The following RTL6 variants were observed in gnomAD, a reference collection of about 807,000 sequenced individuals.
The protein encoded by RTL6 is retrotransposon Gag-like protein 6.
Under a neutral mutation model 12.4 loss-of-function variants are expected in RTL6, and 9 were observed. The observed-to-expected ratio is 0.73, with a 90% CI of 0.44 to 1.27. RTL6 has a LOEUF of 1.27. RTL6 is among the 50% of genes most tolerant of loss of function. The pLI is 0.00. For missense variants in RTL6, 291 were observed against 330.7 expected, an observed-to-expected ratio of 0.88 and a Z score of 0.93; for synonymous variants, 160 against 142.8, an observed-to-expected ratio of 1.12 and a Z score of -0.86.
At position 44,496,718 on chromosome 22, in the gene RTL6, A is replaced by C; in HGVS notation, c.*119T>G. The stretch of plus-strand genomic sequence containing the variant: ...AGATCTCCTCGGGGAACACGTCTGG[A>C]GAGGCAAGAAGGGAGGTCTTCAAAC... On this transcript the variant is annotated 3_prime_UTR_variant, in exon 2 of 2. Coordinates refer to ENST00000341255, the MANE Select transcript of RTL6 (RefSeq NM_032287.3). 1 of 1,249,334 alleles carries C rather than the reference A, an allele frequency of 8.0e-7. No homozygotes were observed. The highest frequency in any genetic ancestry group is 1.1e-6 in the Non-Finnish European group (1 of 905,836). 77.4% of individuals were successfully genotyped at this position (1,249,334 alleles called of 1,614,324 possible).
In RTL6 at chr22:44,497,602, G is replaced by A. The variant is rs984324633; in HGVS notation, c.-46C>T. ...ACGCTGAGATCCGCGGGTGGACCAA[G>A]AGGGTGTGGTGACCAGGTGGGCCCC... On this transcript the variant is annotated 5_prime_UTR_variant, in exon 2 of 2. Coordinates refer to ENST00000341255, the MANE Select transcript of RTL6 (RefSeq NM_032287.3). 5.0e-6 allele frequency: 8 copies of A among 1,594,130 alleles called. No individual in the cohort carries two copies. The highest frequency in any genetic ancestry group is 6.8e-6 in the Non-Finnish European group (8 of 1,170,088).
Position 44,497,381 on chromosome 22 carries a change from C to T in RTL6, c.176G>A (p.Ser59Asn), listed in dbSNP as rs1199093458. The T allele has an allele frequency of 1.2e-6, 2 of 1,613,474 alleles. No individual in the cohort carries two copies. The highest frequency in any genetic ancestry group is 4.5e-5 in the East Asian group (2 of 44,854). The change falls in exon 2 of 2, where the codon AGC (serine) becomes AAC (asparagine). Residue 59 changes from serine to asparagine, a missense_variant. Ser to Asn is a conservative substitution (Grantham distance 46). This residue lies in a region of RTL6 where 155 missense variants were observed against 149.2 expected (regional missense o/e 1.04). Coordinates refer to ENST00000341255, the MANE Select transcript of RTL6 (RefSeq NM_032287.3). ...TAACAAGGTCAGCTCTGCCATCACGCTCTCCAGCATGTTGGTGAGATTGGC... is the reference window on the plus strand; with the variant it reads ...TAACAAGGTCAGCTCTGCCATCACGTTCTCCAGCATGTTGGTGAGATTGGC... Reference protein sequence around the residue: ...EKANLTNMLESVMAELTLLRT... With the variant: ...EKANLTNMLENVMAELTLLRT...
Position 44,496,839 on chromosome 22 carries a change from A to C in RTL6, c.718T>G (p.Ter240GluextTer7). 1 of 1,549,244 alleles carries C rather than the reference A, an allele frequency of 6.5e-7. No homozygotes were observed. Among genetic ancestry groups the C allele is most frequent in the South Asian group, 1.2e-5 (1 of 80,904 alleles). Residue 240 changes from the stop codon to glutamate, a stop_lost, in exon 2 of 2, where the codon TAA (stop) becomes GAA (glutamate). Transcript: ENST00000341255. ...PALPARARNL[*>E] ...CGCTACCAAGTGCTGGCGGATTCTT[A>C]AAGATTCCGTGCTCGGGCAGGCAGG...
chr22:44,497,352 T>G lies in RTL6; in HGVS notation c.205A>C (p.Thr69Pro), dbSNP rs1447808121. ...AGAGCCCCCGGGATCCGCGCCCTGG[T>G]GCGTAACAAGGTCAGCTCTGCCATC... is the stretch of plus-strand genomic sequence containing the variant. ...SVMAELTLLR[T>P]RARIPGALQI... Residue 69 changes from threonine (T) to proline (P), a missense_variant, in exon 2 of 2, where the codon ACC becomes CCC. Physicochemically the swap from Thr to Pro is conservative, Grantham distance 38. This residue lies in a region of RTL6 where 155 missense variants were observed against 149.2 expected (regional missense o/e 1.04). Transcript: ENST00000341255. 6.2e-7 allele frequency: 1 copy of G among 1,612,812 alleles called. No individual in the cohort carries two copies. The highest frequency in any genetic ancestry group is 1.7e-5 in the Admixed American group (1 of 60,010).
rs1193493276 is a variant in RTL6 at position 44,498,079 on chromosome 22, C to A, written c.-291G>T. ...GCGGTTCCTCCGCGGCTCTGTCCGC[C>A]GCCGGCCGTGACCAAGATGGCCCGC... On this transcript the variant is annotated 5_prime_UTR_variant, in exon 1 of 2. Coordinates refer to ENST00000341255, the MANE Select transcript of RTL6 (RefSeq NM_032287.3). 1 of 151,078 alleles carries A rather than the reference C, an allele frequency of 6.6e-6. No individual in the cohort carries two copies. The highest frequency in any genetic ancestry group is 1.5e-5 in the Non-Finnish European group (1 of 67,670). 9.4% of individuals were successfully genotyped at this position (151,078 alleles called of 1,614,324 possible).
At position 44,496,579 on chromosome 22, in the gene RTL6, G is replaced by T; in HGVS notation, c.*258C>A. On this transcript the variant is annotated 3_prime_UTR_variant, in exon 2 of 2. Transcript: ENST00000341255. ...AGCAGAGCGGTAGTCATTGAAACAGGCCGGGATGCCAGCAAGAGGGAGGCG... is the reference window on the plus strand; with the variant it reads ...AGCAGAGCGGTAGTCATTGAAACAGTCCGGGATGCCAGCAAGAGGGAGGCG... 2.0e-6 allele frequency: 1 copy of T among 510,892 alleles called. No individual in the cohort carries two copies. Among genetic ancestry groups the T allele is most frequent in the East Asian group, 3.3e-5 (1 of 30,732 alleles). The allele number at this position is 510,892 out of a possible 1,614,324, so 31.6% of individuals were successfully genotyped here.
rs114649003 is a variant in RTL6 at position 44,496,404 on chromosome 22, A to G, written c.*433T>C. 5.2e-3 allele frequency: 880 copies of G among 169,330 alleles called. 12 individuals carry two copies. Among genetic ancestry groups the G allele is most frequent in the African/African-American group, 0.02 (844 of 41,974 alleles). 10.5% of individuals were successfully genotyped at this position (169,330 alleles called of 1,614,324 possible). On this transcript the variant is annotated 3_prime_UTR_variant, in exon 2 of 2. Coordinates refer to ENST00000341255, the MANE Select transcript of RTL6 (RefSeq NM_032287.3). ...TGGCCAAACGGGCATCTTTCTGTCC[A>G]GAGCTCATCAATAGGAACTGGGCAA...
Position 44,498,226 on chromosome 22 carries a change from C to G in RTL6, c.-438G>C, listed in dbSNP as rs1421902479. On this transcript the variant is annotated 5_prime_UTR_variant, in exon 1 of 2. Coordinates refer to ENST00000341255, the MANE Select transcript of RTL6 (RefSeq NM_032287.3). Reference sequence around the variant, plus strand: ...GGCGGCCTCCGGCAGGTGCAGGGACCGGGCCAGGCCGGGGCCGGGGCAGGG... The same window carrying G: ...GGCGGCCTCCGGCAGGTGCAGGGACGGGGCCAGGCCGGGGCCGGGGCAGGG... 6.6e-6 allele frequency: 1 copy of G among 151,104 alleles called. No individual in the cohort carries two copies. The highest frequency in any genetic ancestry group is 1.9e-4 in the East Asian group (1 of 5,146). 9.4% of individuals were successfully genotyped at this position (151,104 alleles called of 1,614,324 possible). A position where few individuals can be genotyped will look rare whatever the true frequency, so the allele number is the denominator to read the frequency against.
chr22:44,496,773 T>G lies in RTL6; in HGVS notation c.*64A>C. ...GCAAAGCTGTCGTATGGGCATTTCT[T>G]CTACACAGCAAAGAGCGTATGCTAC... On this transcript the variant is annotated 3_prime_UTR_variant, in exon 2 of 2. Transcript: ENST00000341255. The G allele has an allele frequency of 6.6e-7, 1 of 1,508,218 alleles. No individual in the cohort carries two copies. Among genetic ancestry groups the G allele is most frequent in the Non-Finnish European group, 8.8e-7 (1 of 1,129,980 alleles). The allele number at this position is 1,508,218 out of a possible 1,614,324, so 93.4% of individuals were successfully genotyped here. A position where few individuals can be genotyped will look rare whatever the true frequency, so the allele number is the denominator to read the frequency against.
In RTL6 at chr22:44,494,701, CAGG is replaced by C. The variant is rs1924395296; in HGVS notation, c.*2133_*2135del. ...AGTGTGTGGACAGGGAGTGTGTGGACAGGGAGCGTGGCCGGCCTTTCCTAGGCA... is the reference window on the plus strand; with the variant it reads ...AGTGTGTGGACAGGGAGTGTGTGGACGAGCGTGGCCGGCCTTTCCTAGGCA... On this transcript the variant is annotated 3_prime_UTR_variant, in exon 2 of 2. Transcript: ENST00000341255. The C allele has an allele frequency of 1.9e-5, 2 of 102,636 alleles. No individual in the cohort carries two copies. The highest frequency in any genetic ancestry group is 7.6e-5 in the African/African-American group (2 of 26,180). 6.4% of individuals were successfully genotyped at this position (102,636 alleles called of 1,614,324 possible).
Position 44,496,779 on chromosome 22 carries a change from C to T in RTL6, c.*58G>A. On this transcript the variant is annotated 3_prime_UTR_variant, in exon 2 of 2. Coordinates refer to ENST00000341255, the MANE Select transcript of RTL6 (RefSeq NM_032287.3). The stretch of plus-strand genomic sequence containing the variant: ...CTGTCGTATGGGCATTTCTTCTACA[C>T]AGCAAAGAGCGTATGCTACCTGGGT... The T allele has an allele frequency of 6.6e-7, 1 of 1,513,314 alleles. No homozygotes were observed. Among genetic ancestry groups the T allele is most frequent in the Non-Finnish European group, 8.8e-7 (1 of 1,133,104 alleles). 93.7% of individuals were successfully genotyped at this position (1,513,314 alleles called of 1,614,324 possible).
In RTL6 at chr22:44,497,344, C is replaced by T; in HGVS notation, c.213G>A (p.Ala71=). The T allele has an allele frequency of 6.2e-7, 1 of 1,612,800 alleles. No individual in the cohort carries two copies. Among genetic ancestry groups the T allele is most frequent in the South Asian group, 1.1e-5 (1 of 91,038 alleles). The stretch of plus-strand genomic sequence containing the variant: ...TGATCTGCAGAGCCCCCGGGATCCG[C>T]GCCCTGGTGCGTAACAAGGTCAGCT... The part of the protein sequence containing the change: ...MAELTLLRTR[A]RIPGALQITP... Residue 71 remains alanine, a synonymous_variant, in exon 2 of 2, where the codon GCG becomes GCA. Transcript: ENST00000341255.
Position 44,497,653 on chromosome 22 carries a change from G to T in RTL6, c.-97C>A. On this transcript the variant is annotated 5_prime_UTR_variant, in exon 2 of 2. Coordinates refer to ENST00000341255, the MANE Select transcript of RTL6 (RefSeq NM_032287.3). ...TGTAGAAATGGGGGCAGTGTGGGGTGCACGACGGCAGGGCGCTGCGAGACC... is the reference window on the plus strand; with the variant it reads ...TGTAGAAATGGGGGCAGTGTGGGGTTCACGACGGCAGGGCGCTGCGAGACC... 1 of 1,456,956 alleles carries T rather than the reference G, an allele frequency of 6.9e-7. No homozygotes were observed. The highest frequency in any genetic ancestry group is 9.2e-7 in the Non-Finnish European group (1 of 1,090,378). 90.3% of individuals were successfully genotyped at this position (1,456,956 alleles called of 1,614,324 possible). A position where few individuals can be genotyped will look rare whatever the true frequency, so the allele number is the denominator to read the frequency against.
rs2147402111 is a variant in RTL6, at chr22:44,494,816, C to A, written c.*2021G>T. ...TCGAGTAGAGTGAGCGCTGGCGACACAGCAGAGTTCCCACCCTGCTTCCAT... is the reference window on the plus strand; with the variant it reads ...TCGAGTAGAGTGAGCGCTGGCGACAAAGCAGAGTTCCCACCCTGCTTCCAT... On this transcript the variant is annotated 3_prime_UTR_variant, in exon 2 of 2. Transcript: ENST00000341255. 1 of 152,478 alleles carries A rather than the reference C, an allele frequency of 6.6e-6. No homozygotes were observed. Among genetic ancestry groups the A allele is most frequent in the South Asian group, 2.1e-4 (1 of 4,830 alleles). 9.4% of individuals were successfully genotyped at this position (152,478 alleles called of 1,614,324 possible).
rs1471857571 is a variant in RTL6 at position 44,496,599 on chromosome 22, G to C, written c.*238C>G. The C allele has an allele frequency of 3.7e-6, 2 of 546,264 alleles. No homozygotes were observed. The highest frequency in any genetic ancestry group is 3.0e-5 in the East Asian group (1 of 33,172). The allele number at this position is 546,264 out of a possible 1,614,324, so 33.8% of individuals were successfully genotyped here. A position where few individuals can be genotyped will look rare whatever the true frequency, so the allele number is the denominator to read the frequency against. On this transcript the variant is annotated 3_prime_UTR_variant, in exon 2 of 2. Transcript: ENST00000341255. ...AACAGGCCGGGATGCCAGCAAGAGGGAGGCGAGCATGCAGTGAGCGATAGG... is the reference window on the plus strand; with the variant it reads ...AACAGGCCGGGATGCCAGCAAGAGGCAGGCGAGCATGCAGTGAGCGATAGG...
In RTL6 at chr22:44,497,768, C is replaced by T. The variant is rs1394386175; in HGVS notation, c.-212G>A. The T allele has an allele frequency of 4.3e-5, 27 of 620,766 alleles. No homozygotes were observed. Among genetic ancestry groups the T allele is most frequent in the South Asian group, 2.0e-5 (1 of 48,820 alleles). 38.5% of individuals were successfully genotyped at this position (620,766 alleles called of 1,614,324 possible). On this transcript the variant is annotated 5_prime_UTR_variant, in exon 2 of 2. Transcript: ENST00000341255. ...CACGCGGCTCCTTTACTGCAGACTTCGCGGACTACGGAGCCAGACGGGTGG... is the reference window on the plus strand; with the variant it reads ...CACGCGGCTCCTTTACTGCAGACTTTGCGGACTACGGAGCCAGACGGGTGG...
At position 44,496,169 on chromosome 22, in the gene RTL6, G is replaced by A. The variant is rs131160; in HGVS notation, c.*668C>T. The A allele has an allele frequency of 0.3, 45,697 of 152,180 alleles. 7,839 individuals are homozygous for A. The highest frequency in any genetic ancestry group is 0.4 in the South Asian group (1,936 of 4,820). 9.4% of individuals were successfully genotyped at this position (152,180 alleles called of 1,614,324 possible). ...AGGTGCAACATTGGTCCTTCCCAGT[G>A]AGAGCAGTGGGGCCTCCCAGACTGC... On this transcript the variant is annotated 3_prime_UTR_variant, in exon 2 of 2. Coordinates refer to ENST00000341255, the MANE Select transcript of RTL6 (RefSeq NM_032287.3).
Position 44,497,269 on chromosome 22 carries a change from T to C in RTL6, c.288A>G (p.Thr96=). Residue 96 remains threonine (T), a synonymous_variant, in exon 2 of 2, where the codon ACA becomes ACG. Transcript: ENST00000341255. ...AGGGCTCGGGCAGAGAGGTTGGAGG[T>C]GTGGTCATGGGTCGAGTCCCGTTTG... ...ITSNGTRPMT[T]PPTSLPEPFS... The C allele has an allele frequency of 6.2e-7, 1 of 1,613,716 alleles. No homozygotes were observed. Among genetic ancestry groups the C allele is most frequent in the South Asian group, 1.1e-5 (1 of 91,058 alleles).
In RTL6 at chr22:44,497,711, G is replaced by A; in HGVS notation, c.-155C>T. On this transcript the variant is annotated 5_prime_UTR_variant, in exon 2 of 2. Coordinates refer to ENST00000341255, the MANE Select transcript of RTL6 (RefSeq NM_032287.3). Reference sequence around the variant, plus strand: ...CGAGGGCCCGAGAGAGGGGCACGCGGTGCCAGGCCCTAGGGACTTCGGCCC... The same window carrying A: ...CGAGGGCCCGAGAGAGGGGCACGCGATGCCAGGCCCTAGGGACTTCGGCCC... The A allele has an allele frequency of 3.9e-6, 4 of 1,022,900 alleles. No individual in the cohort carries two copies. In the East Asian group the frequency reaches 1.0e-4, roughly 27 times the overall value. 63.4% of individuals were successfully genotyped at this position (1,022,900 alleles called of 1,614,324 possible).
Sources: allele counts gnomAD v4.1 joint callset, GRCh38; gene constraint gnomAD v4.1.1; regional missense constraint gnomAD v4.1.1; transcripts MANE v1.5; gene names NCBI Gene and HGNC (gene_info 2026-07-23, HGNC 2026-07-21).